PKIG: variants seen among roughly 807,000 people sequenced by gnomAD.
The protein encoded by PKIG is cAMP-dependent protein kinase inhibitor gamma, also known as protein kinase (cAMP-dependent, catalytic) inhibitor gamma.
In PKIG, 1 loss-of-function variant was observed where a neutral mutation model predicts 6.8. The observed-to-expected ratio is 0.15, with a 90% CI of 0.05 to 0.69. The LOEUF (loss-of-function observed/expected upper bound fraction) is 0.69. PKIG is among the 30% of genes least tolerant of loss of function. The pLI, the probability that PKIG is intolerant of heterozygous loss-of-function variation, is 0.82. For synonymous variants in PKIG, 39 were observed against 43.0 expected (o/e 0.91, Z 0.36); for missense variants, 77 against 104.0 (o/e 0.74, Z 1.13).
chr20:44,576,740 T>A (rs2064901701), intron 1 of PKIG, among the ~76,000 whole-genome samples: 1 of 152,138 alleles, frequency 6.6e-6, no homozygotes, highest in Non-Finnish European at 1.5e-5. Flanking sequence ...GGTCACTGTT[T>A]AAGTGAAGGT....
intron 1 of PKIG, among the ~76,000 whole-genome samples, chr20:44,577,475 G>A (rs1418698420): frequency 1.3e-5 from 2 of 152,076 alleles, no homozygotes; most frequent in African/African-American, 2.4e-5. Flanking sequence ...CTTCTCTGGG[G>A]CCTTACACCA....
chr20:44,560,087 A>G (rs574301842), intron 1 of PKIG, among the ~76,000 whole-genome samples: 1 of 151,696 alleles, frequency 6.6e-6, no homozygotes, highest in South Asian at 2.1e-4. Context: ...GAAAGAAGGA[A>G]AGAAAAAAGA....
chr20:44,549,349 C>T (rs1004810484), intron 1 of PKIG, among the ~76,000 whole-genome samples: 3 of 152,132 alleles, frequency 2.0e-5, no homozygotes, highest in East Asian at 3.8e-4. Flanking sequence ...ATGAACTGTT[C>T]GTTTTTTTCC....
chr20:44,611,993 A>G (rs1345042134), intron 2 of PKIG, among the ~76,000 whole-genome samples: 1 of 152,120 alleles, frequency 6.6e-6, no homozygotes, highest in Non-Finnish European at 1.5e-5. Context: ...TTGTGTATAT[A>G]TACATTTTCT....
At chr20:44,610,990 A>G (rs942037200) in intron 2 of PKIG, among the ~76,000 whole-genome samples, 1 of 149,888 alleles carries the variant, frequency 6.7e-6, no homozygotes, top group African/African-American at 2.5e-5. Flanking sequence ...CATCTCATGC[A>G]TTTATTTCTT....
intron 1 of PKIG, among the ~76,000 whole-genome samples, chr20:44,548,941 A>G (rs1225416934): frequency 6.6e-6 from 1 of 152,030 alleles, no homozygotes; most frequent in African/African-American, 2.4e-5. Flanking sequence ...TACTGTGGGA[A>G]GAGAAATGAA....
intron 1 of PKIG, among the ~76,000 whole-genome samples, chr20:44,538,050 A>G (rs2064528707): frequency 6.6e-6 from 1 of 152,210 alleles, no homozygotes; most frequent in Non-Finnish European, 1.5e-5. Context: ...TTTTGAGAGA[A>G]AAAGGACAAT....
At chr20:44,552,134 C>G (rs1436761349) in intron 1 of PKIG, among the ~76,000 whole-genome samples, 1 of 152,212 alleles carries the variant, frequency 6.6e-6, no homozygotes, top group Non-Finnish European at 1.5e-5. Context: ...GTTACTACCC[C>G]TGACATATTC....
chr20:44,587,090 A>C (rs1008571949), intron 1 of PKIG, among the ~76,000 whole-genome samples: 1 of 152,214 alleles, frequency 6.6e-6, no homozygotes, highest in Admixed American at 6.5e-5. Context: ...ATAAATGTAC[A>C]TTGAGGACCT....
At chr20:44,587,378 TGAGA>T (rs2064998531) in intron 1 of PKIG, among the ~76,000 whole-genome samples, 1 of 152,176 alleles carries the variant, frequency 6.6e-6, no homozygotes, top group Non-Finnish European at 1.5e-5. Flanking sequence ...AGGGAGCAAC[TGAGA>T]GCTGCCCCTG....
chr20:44,568,183 T>C lies in PKIG; in HGVS notation c.-240-14402T>C, dbSNP rs1185013289. ...AACTCTGATATAAATGTCTCTCTCA[T>C]TTATAAGTCAGTGTATGCACATTTT... On this transcript the variant is annotated intron_variant, in intron 1 of 4. Coordinates refer to the PKIG transcript ENST00000372887. 2.6e-5 allele frequency among the ~76,000 whole-genome samples: 4 copies of C among 152,264 alleles called. No individual in the cohort carries two copies. The East Asian group carries it at 7.7e-4, about 29-fold the overall frequency.
At chr20:44,532,675 C>G (rs1177316597) in intron 1 of PKIG, among the ~76,000 whole-genome samples, 1 of 152,106 alleles carries the variant, frequency 6.6e-6, no homozygotes, top group Non-Finnish European at 1.5e-5. Context: ...AACAGTTAAC[C>G]TGGATTTCTG....
chr20:44,555,343 A>G (rs547009766), intron 1 of PKIG, among the ~76,000 whole-genome samples: 4 of 152,326 alleles, frequency 2.6e-5, no homozygotes, highest in Admixed American at 6.5e-5. Context: ...ACTGACATCT[A>G]TTTACAGGAA....
At chr20:44,617,796 G>A (rs1437214407) in intron 3 of PKIG, among the ~76,000 whole-genome samples, 1 of 152,086 alleles carries the variant, frequency 6.6e-6, no homozygotes, top group Non-Finnish European at 1.5e-5. Context: ...TATAATCCCA[G>A]CACTTTGGGA....
chr20:44,551,994 C>T lies in PKIG; in HGVS notation c.-241+20016C>T, dbSNP rs1441812787. Among the ~76,000 whole-genome samples the T allele has an allele frequency of 2.0e-5, 3 of 152,150 alleles. No individual in the cohort carries two copies. The East Asian group carries it at 5.8e-4, about 29-fold the overall frequency. On this transcript the variant is annotated intron_variant, in intron 1 of 4. Transcript: ENST00000372887. The stretch of plus-strand genomic sequence containing the variant: ...GTATTGGAATCGGCTAGGAAATATT[C>T]GTAATTGCTACACTTTTCTATATAA...
intron 1 of PKIG, among the ~76,000 whole-genome samples, chr20:44,576,490 A>T (rs1311671805): frequency 6.6e-6 from 1 of 152,170 alleles, no homozygotes; most frequent in African/African-American, 2.4e-5. Flanking sequence ...AGTTAACCAA[A>T]ATAAGAGGGA....
chr20:44,602,724 C>T (rs1030273606), intron 2 of PKIG, among the ~76,000 whole-genome samples: 16 of 151,900 alleles, frequency 1.1e-4, no homozygotes, highest in African/African-American at 3.9e-4. Flanking sequence ...GCCTGTAATC[C>T]CAGCTACTTG....
intron 1 of PKIG, among the ~76,000 whole-genome samples, chr20:44,537,261 C>T (rs1453083765): frequency 3.9e-5 from 6 of 151,998 alleles, no homozygotes; most frequent in African/African-American, 7.2e-5. Context: ...CGCGCCACCA[C>T]GCCCGGCTAA....
At chr20:44,558,565 T>G (rs2064735678) in intron 1 of PKIG, among the ~76,000 whole-genome samples, 1 of 140,362 alleles carries the variant, frequency 7.1e-6, no homozygotes, top group Non-Finnish European at 1.5e-5. Flanking sequence ...TTTTCTTTCT[T>G]TTTTTCTTTT....
Sources: allele counts gnomAD v4.1 joint callset (sites outside exome capture counted in the v4.1 genomes callset), GRCh38; gene constraint gnomAD v4.1.1; transcripts MANE v1.5; gene names NCBI Gene and HGNC (gene_info 2026-07-23, HGNC 2026-07-21).